Variants in BORCS5 observed in about 807,000 individuals in gnomAD.
BORCS5 encodes BLOC-1-related complex subunit 5.
Under a neutral mutation model 22.1 loss-of-function variants are expected in BORCS5, and 17 were observed. That is an observed-to-expected ratio of 0.77 (90% CI 0.53 to 1.15). The LOEUF (loss-of-function observed/expected upper bound fraction) is 1.15. Ranked by LOEUF, BORCS5 falls within the 50% of genes most tolerant of loss-of-function variation. BORCS5 has a pLI of 0.00. For synonymous variants in BORCS5, 117 were observed against 99.8 expected (o/e 1.17, Z -1.03); for missense variants, 247 against 253.2 (o/e 0.98, Z 0.17).
At chr12:12,358,589 G>A (rs575046318) in intron 1 of BORCS5, among the ~76,000 whole-genome samples, 29 of 152,270 alleles carry the variant, frequency 1.9e-4, no homozygotes, top group African/African-American at 6.5e-4. Context: ...AAGCGGTGTG[G>A]CATCTTTTTA....
chr12:12,383,980 CTTTG>C (rs1357233825), intron 2 of BORCS5, among the ~76,000 whole-genome samples: 1 of 151,144 alleles, frequency 6.6e-6, no homozygotes, highest in Non-Finnish European at 1.5e-5. Context: ...AATCTTTTCT[CTTTG>C]TTCTTTAGAT....
At position 12,392,504 on chromosome 12, in the gene BORCS5, T is replaced by C. The variant is rs535966122; in HGVS notation, c.202+31155T>C. Among the ~76,000 whole-genome samples, 6 of 152,244 alleles carry C rather than the reference T, an allele frequency of 3.9e-5. No homozygotes were observed. In the South Asian group the frequency reaches 8.3e-4, roughly 21 times the overall value. ...GCAAAAAGGTTACAGACATAGACTT[T>C]TGAGAACAGTCAGATCCAGATTAAG... is the stretch of plus-strand genomic sequence containing the variant. On this transcript the variant is annotated intron_variant, in intron 2 of 3. Transcript: ENST00000314565.
At chr12:12,379,937 G>A (rs765994301) in intron 2 of BORCS5, among the ~76,000 whole-genome samples, 3 of 151,354 alleles carry the variant, frequency 2.0e-5, no homozygotes, top group Non-Finnish European at 4.4e-5. Flanking sequence ...TAAAGTGAGA[G>A]ATGTGCAATT....
chr12:12,358,317 A>G (rs1863194086), intron 1 of BORCS5, among the ~76,000 whole-genome samples: 1 of 152,156 alleles, frequency 6.6e-6, no homozygotes, highest in Non-Finnish European at 1.5e-5. Context: ...TCTGTTCTTG[A>G]TAGGAGCTGT....
intron 2 of BORCS5, among the ~76,000 whole-genome samples, chr12:12,403,271 C>T (rs544075230): frequency 5.9e-5 from 9 of 152,350 alleles, no homozygotes; most frequent in African/African-American, 2.2e-4. Context: ...CTAGTTTGCA[C>T]ATCTGTCTCC....
At chr12:12,403,274 C>T (rs1000666375) in intron 2 of BORCS5, among the ~76,000 whole-genome samples, 10 of 152,320 alleles carry the variant, frequency 6.6e-5, no homozygotes, top group Admixed American at 4.6e-4. Flanking sequence ...GTTTGCACAT[C>T]TGTCTCCCTG....
At chr12:12,415,557 GA>G (rs1158452802) in intron 2 of BORCS5, among the ~76,000 whole-genome samples, 23 of 43,018 alleles carry the variant, frequency 5.3e-4, no homozygotes, top group African/African-American at 1.9e-3. Flanking sequence ...ACCGTGGAGA[GA>G]GGGGGAGGGG....
At chr12:12,415,306 G>A (rs1941905401) in intron 2 of BORCS5, among the ~76,000 whole-genome samples, 2 of 150,628 alleles carry the variant, frequency 1.3e-5, no homozygotes, top group South Asian at 2.1e-4. Flanking sequence ...CGGCACCTCG[G>A]GAGGCCGAGG....
chr12:12,424,730 A>G (rs1049163872), intron 2 of BORCS5, among the ~76,000 whole-genome samples: 1 of 151,798 alleles, frequency 6.6e-6, no homozygotes, highest in Admixed American at 6.6e-5. Flanking sequence ...TTGTTACAGG[A>G]TGTGTCTGTG....
intron 2 of BORCS5, among the ~76,000 whole-genome samples, chr12:12,413,152 G>A (rs1472171823): frequency 3.4e-4 from 18 of 53,616 alleles, no homozygotes; most frequent in South Asian, 1.3e-3. Flanking sequence ...GGTGTTTCTC[G>A]CAGAGGGGGA....
intron 2 of BORCS5, among the ~76,000 whole-genome samples, chr12:12,423,586 A>G (rs1228990531): frequency 3.3e-5 from 5 of 150,636 alleles, no homozygotes; most frequent in African/African-American, 1.2e-4. Context: ...TTACCACCTT[A>G]TGGCCCCCTA....
chr12:12,424,201 A>G (rs1440811957), intron 2 of BORCS5, among the ~76,000 whole-genome samples: 1 of 152,040 alleles, frequency 6.6e-6, no homozygotes, highest in Non-Finnish European at 1.5e-5. Flanking sequence ...ATGGTGTCTC[A>G]TCAATCCCTT....
chr12:12,414,156 G>A (rs1449401506), intron 2 of BORCS5, among the ~76,000 whole-genome samples: 5 of 101,292 alleles, frequency 4.9e-5, no homozygotes, highest in Non-Finnish European at 1.1e-4. Context: ...GCCGGGCGGG[G>A]GGCTGACCCC....
At chr12:12,429,244 C>T (rs1942362078) in intron 2 of BORCS5, among the ~76,000 whole-genome samples, 1 of 152,192 alleles carries the variant, frequency 6.6e-6, no homozygotes, top group South Asian at 2.1e-4. Flanking sequence ...TGTCCTTCTC[C>T]CTCTTTTCAG....
chr12:12,397,195 A>G (rs374338811), intron 2 of BORCS5, among the ~76,000 whole-genome samples: 111 of 152,264 alleles, frequency 7.3e-4, no homozygotes, highest in African/African-American at 2.4e-3. Flanking sequence ...AACAGGCTAG[A>G]TGTCCACCTA....
intron 2 of BORCS5, among the ~76,000 whole-genome samples, chr12:12,364,387 T>A (rs373955272): frequency 1.7e-5 from 1 of 57,154 alleles, no homozygotes; most frequent in African/African-American, 4.7e-5. Context: ...AAGAAAAATA[T>A]AAGGAAGAGA....
At chr12:12,440,346 G>A (rs1367265955) in intron 3 of BORCS5, among the ~76,000 whole-genome samples, 2 of 152,202 alleles carry the variant, frequency 1.3e-5, no homozygotes, top group East Asian at 3.8e-4. Flanking sequence ...AATGGCGATA[G>A]GCTGACCCCT....
rs1415787866 is a variant in BORCS5 at position 12,436,949 on chromosome 12, A to G, written c.360+1164A>G. ...TATTTTACTATATTATGGTCTACCA[A>G]GCTTTACTTTCCAAACATGACTATT... On this transcript the variant is annotated intron_variant, in intron 3 of 3. Transcript: ENST00000314565. Among the ~76,000 whole-genome samples, 3 of 152,218 alleles carry G rather than the reference A, an allele frequency of 2.0e-5. No homozygotes were observed. The East Asian group carries it at 5.8e-4, about 29-fold the overall frequency.
intron 2 of BORCS5, among the ~76,000 whole-genome samples, chr12:12,426,399 ATGCTAATT>A (rs1270822433): frequency 6.6e-6 from 1 of 152,244 alleles, no homozygotes; most frequent in Non-Finnish European, 1.5e-5. Flanking sequence ...AGATTGTGAA[ATGCTAATT>A]TTATAGCAGT....
Sources: gnomAD v4.1 joint callset for allele counts (sites outside exome capture counted in the v4.1 genomes callset) on GRCh38, gnomAD v4.1.1 for gene constraint, MANE v1.5 for transcripts, NCBI Gene and HGNC (gene_info 2026-07-23, HGNC 2026-07-21) for gene names.